Variants in ERBB4 observed in about 807,000 individuals in gnomAD.
ERBB4 encodes receptor tyrosine-protein kinase erbB-4.
A neutral mutation model predicts 158.0 loss-of-function variants in ERBB4; 42 were observed. The observed-to-expected ratio is 0.27, with a 90% confidence interval of 0.21 to 0.34. The LOEUF (loss-of-function observed/expected upper bound fraction) is 0.34, where lower values mean the gene tolerates loss of function less well. ERBB4 is among the 10% of genes least tolerant of loss of function. ERBB4 has a pLI of 1.00. For missense variants in ERBB4, 1,333 were observed against 1,624.1 expected (o/e 0.82, Z 3.08); for synonymous variants, 583 against 558.7 (o/e 1.04, Z -0.61).
At chr2:211,389,380 C>T (rs1184752247) in intron 25 of ERBB4, among the ~76,000 whole-genome samples, 1 of 152,122 alleles carries the variant, frequency 6.6e-6, no homozygotes, top group African/African-American at 2.4e-5. Context: ...GATTTAGATT[C>T]ATGAAGCATT....
At chr2:212,112,271 C>T (rs1438123468) in intron 2 of ERBB4, among the ~76,000 whole-genome samples, 1 of 151,984 alleles carries the variant, frequency 6.6e-6, no homozygotes, top group Non-Finnish European at 1.5e-5. Flanking sequence ...ATTCTTTTGA[C>T]TATAAAACCT....
chr2:212,530,314 G>C (rs1692684531), intron 1 of ERBB4, among the ~76,000 whole-genome samples: 2 of 152,040 alleles, frequency 1.3e-5, no homozygotes, highest in Admixed American at 1.3e-4. Context: ...AAAATTACCA[G>C]ACAAAAGGAA....
At chr2:212,195,126 C>A (rs976023187) in intron 1 of ERBB4, among the ~76,000 whole-genome samples, 3 of 151,836 alleles carry the variant, frequency 2.0e-5, no homozygotes, top group African/African-American at 7.3e-5. Flanking sequence ...TATATAAATT[C>A]GCCATTAACT....
Position 211,790,803 on chromosome 2 carries a change from T to C in ERBB4, c.422-2644A>G, listed in dbSNP as rs578139826. ...GTTTGTTTTCCTTGAAAATATTCTT[T>C]TTTCCTTTATGTTTGGTATACACCC... On this transcript the variant is annotated intron_variant, in intron 3 of 27. Transcript: ENST00000342788. 2.8e-3 allele frequency among the ~76,000 whole-genome samples: 426 copies of C among 152,068 alleles called. 3 individuals are homozygous for C. Among genetic ancestry groups the C allele is most frequent in the Non-Finnish European group, 4.1e-3 (281 of 67,868 alleles).
intron 3 of ERBB4, among the ~76,000 whole-genome samples, chr2:211,798,887 T>C (rs2076440031): frequency 6.6e-6 from 1 of 152,212 alleles, no homozygotes; most frequent in South Asian, 2.1e-4. Context: ...TAACTTACTA[T>C]CTTTCCCACA....
intron 3 of ERBB4, among the ~76,000 whole-genome samples, chr2:211,790,283 G>C (rs934234543): frequency 6.6e-6 from 1 of 151,672 alleles, no homozygotes; most frequent in African/African-American, 2.4e-5. Context: ...AGGAAATAAA[G>C]GTTATTTTTC....
intron 20 of ERBB4, among the ~76,000 whole-genome samples, chr2:211,536,177 A>C (rs2066647672): frequency 6.6e-6 from 1 of 152,104 alleles, no homozygotes; most frequent in African/African-American, 2.4e-5. Context: ...AAAGAAAATG[A>C]GTTACATTCG....
intron 7 of ERBB4, among the ~76,000 whole-genome samples, chr2:211,715,357 T>C (rs1307810919): frequency 6.6e-6 from 1 of 152,190 alleles, no homozygotes; most frequent in Middle Eastern, 3.2e-3. Context: ...AATCTTGCTT[T>C]CTTCCCTTCC....
intron 1 of ERBB4, among the ~76,000 whole-genome samples, chr2:212,193,848 C>T (rs1238326610): frequency 6.6e-6 from 1 of 151,982 alleles, no homozygotes; most frequent in African/African-American, 2.4e-5. Flanking sequence ...ACAATTACAG[C>T]TTCAAGGGGC....
intron 20 of ERBB4, among the ~76,000 whole-genome samples, chr2:211,550,259 C>T (rs1460220163): frequency 6.6e-6 from 1 of 151,890 alleles, no homozygotes; most frequent in Non-Finnish European, 1.5e-5. Flanking sequence ...TACCTTAAGT[C>T]TGTACATTTA....
Position 212,185,968 on chromosome 2 carries a change from A to G in ERBB4, c.83-61065T>C, listed in dbSNP as rs190307949. On this transcript the variant is annotated intron_variant, in intron 1 of 27. Coordinates refer to ENST00000342788, the MANE Select transcript of ERBB4 (RefSeq NM_005235.3). Reference sequence around the variant, plus strand: ...GAATGTTTAAACAGTAAAGTTAATTATCCTACAACTTAAAGTAATTTGTAT... The same window carrying G: ...GAATGTTTAAACAGTAAAGTTAATTGTCCTACAACTTAAAGTAATTTGTAT... 8.5e-5 allele frequency among the ~76,000 whole-genome samples: 13 copies of G among 152,344 alleles called. No individual in the cohort carries two copies. The East Asian group carries it at 2.1e-3, about 25-fold the overall frequency.
intron 3 of ERBB4, among the ~76,000 whole-genome samples, chr2:211,861,350 G>GTTTTTTTTTT (rs67133944): frequency 6.7e-5 from 6 of 88,968 alleles, no homozygotes; most frequent in East Asian, 7.1e-4. Context: ...TTTTTTTTTT[G>GTTTTTTTTTT]TTTTTTTTTT....
At chr2:212,152,544 T>C (rs1335949144) in intron 1 of ERBB4, among the ~76,000 whole-genome samples, 1 of 152,170 alleles carries the variant, frequency 6.6e-6, no homozygotes, top group East Asian at 1.9e-4. Context: ...TTGTAGAACT[T>C]AGTCCCATTT....
rs1022126482 is a variant in ERBB4 at position 211,406,588 on chromosome 2, G to A, written c.3135+13853C>T. On this transcript the variant is annotated intron_variant, in intron 25 of 27. Coordinates refer to ENST00000342788, the MANE Select transcript of ERBB4 (RefSeq NM_005235.3). ...AGCAATAATAAAAGAGAAAAGAAAT[G>A]TCAGAGGCAGACTGAGAGGCAATGC... Among the ~76,000 whole-genome samples the A allele has an allele frequency of 3.3e-5, 5 of 152,074 alleles. No individual in the cohort carries two copies. The South Asian group carries it at 1.0e-3, about 32-fold the overall frequency.
intron 3 of ERBB4, among the ~76,000 whole-genome samples, chr2:211,791,090 A>G (rs887732396): frequency 6.6e-6 from 1 of 151,926 alleles, no homozygotes; most frequent in African/African-American, 2.4e-5. Flanking sequence ...CTGTATTAAA[A>G]AAATTCTAGA....
chr2:212,029,018 T>G (rs1456399788), intron 2 of ERBB4, among the ~76,000 whole-genome samples: 1 of 152,046 alleles, frequency 6.6e-6, no homozygotes, highest in African/African-American at 2.4e-5. Flanking sequence ...CAGTGCACGA[T>G]GTAAGTTTAC....
intron 4 of ERBB4, among the ~76,000 whole-genome samples, chr2:211,767,496 T>C (rs146071773): frequency 2.1e-3 from 314 of 152,310 alleles, no homozygotes; most frequent in African/African-American, 7.0e-3. Context: ...CTCATGCTGC[T>C]AATAAAGACC....
chr2:212,077,758 T>C (rs1347089526), intron 2 of ERBB4, among the ~76,000 whole-genome samples: 1 of 152,070 alleles, frequency 6.6e-6, no homozygotes, highest in African/African-American at 2.4e-5. Flanking sequence ...TTATTGCACA[T>C]TTCTGTGTTT....
chr2:211,705,885 T>C (rs910952366), intron 9 of ERBB4, among the ~76,000 whole-genome samples: 9 of 152,160 alleles, frequency 5.9e-5, no homozygotes, highest in Non-Finnish European at 1.3e-4. Context: ...TAGCTCTACA[T>C]TTATCTACTT....
Sources: allele counts gnomAD v4.1 joint callset (sites outside exome capture counted in the v4.1 genomes callset), GRCh38; gene constraint gnomAD v4.1.1; transcripts MANE v1.5; gene names NCBI Gene and HGNC (gene_info 2026-07-23, HGNC 2026-07-21).